Variants in LRRTM3 observed in about 807,000 individuals in gnomAD.
The protein encoded by LRRTM3 is leucine rich repeat transmembrane neuronal 3, also known as leucine-rich repeat transmembrane neuronal protein 3.
In LRRTM3, 24 loss-of-function variants were observed where a neutral mutation model predicts 44.7. That is an observed-to-expected ratio of 0.54 (90% CI 0.39 to 0.76). LRRTM3 has a LOEUF of 0.76. Among genes scored for constraint, LRRTM3 ranks in the 30% least tolerant of loss-of-function variants. The probability of loss-of-function intolerance (pLI) is 0.00; values close to 1 mark genes in which losing one functional copy is unlikely to be tolerated. For missense variants in LRRTM3, 587 were observed against 702.2 expected (o/e 0.84, Z 1.85); for synonymous variants, 277 against 278.7 (o/e 0.99, Z 0.06).
chr10:67,023,755 T>C (rs778172970), intron 2 of LRRTM3, among the ~76,000 whole-genome samples: 50 of 152,216 alleles, frequency 3.3e-4, no homozygotes, highest in Non-Finnish European at 8.8e-5. Flanking sequence ...TATAAATTGC[T>C]GAAACATGAA....
At chr10:67,068,662 G>A (rs969693180) in intron 2 of LRRTM3, among the ~76,000 whole-genome samples, 3 of 152,132 alleles carry the variant, frequency 2.0e-5, no homozygotes, top group Admixed American at 1.3e-4. Flanking sequence ...AGGGGAGAGA[G>A]TTTTAATAAA....
rs77767288 is a variant in LRRTM3 at position 66,934,020 on chromosome 10, G to A, written c.1536+5568G>A. ...TAACTTCATAGGGTCATGAATGGAC[G>A]CTCTTGAGTTAGGGATCCTGAACAC... On this transcript the variant is annotated intron_variant, in intron 2 of 2. Transcript: ENST00000361320. Among the ~76,000 whole-genome samples, 279 of 152,112 alleles carry A rather than the reference G, an allele frequency of 1.8e-3. 1 individual carries two copies. The highest frequency in any genetic ancestry group is 2.1e-3 in the Non-Finnish European group (141 of 67,976).
chr10:66,943,615 A>G (rs1156498287), intron 2 of LRRTM3, among the ~76,000 whole-genome samples: 2 of 152,078 alleles, frequency 1.3e-5, no homozygotes, highest in Non-Finnish European at 2.9e-5. Context: ...AAAAATATAA[A>G]GATGTTATGT....
At chr10:66,976,846 G>A (rs146945384) in intron 2 of LRRTM3, among the ~76,000 whole-genome samples, 3 of 152,154 alleles carry the variant, frequency 2.0e-5, no homozygotes, top group East Asian at 1.9e-4. Context: ...AGATACCCAC[G>A]TTTTTGTTTT....
chr10:66,932,072 G>A (rs543256466), intron 2 of LRRTM3, among the ~76,000 whole-genome samples: 8 of 152,160 alleles, frequency 5.3e-5, no homozygotes, highest in Admixed American at 2.6e-4. Flanking sequence ...TGCTGATTGT[G>A]CCAGTGACCT....
At chr10:67,008,331 G>A (rs978610066) in intron 2 of LRRTM3, among the ~76,000 whole-genome samples, 2 of 151,986 alleles carry the variant, frequency 1.3e-5, no homozygotes, top group African/African-American at 4.8e-5. Context: ...AGTGCTCATG[G>A]TTTTTAATTT....
chr10:66,958,971 A>G (rs1848979138), intron 2 of LRRTM3, among the ~76,000 whole-genome samples: 1 of 152,124 alleles, frequency 6.6e-6, no homozygotes, highest in Non-Finnish European at 1.5e-5. Context: ...ATAGGGAGAG[A>G]GAGTGTAAAT....
chr10:66,953,863 T>C (rs941426284), intron 2 of LRRTM3, among the ~76,000 whole-genome samples: 1 of 152,148 alleles, frequency 6.6e-6, no homozygotes, highest in African/African-American at 2.4e-5. Context: ...CCAGAAGAGC[T>C]ATGTGACCTT....
intron 2 of LRRTM3, among the ~76,000 whole-genome samples, chr10:67,083,555 T>C (rs892896150): frequency 6.6e-6 from 1 of 152,206 alleles, no homozygotes; most frequent in Non-Finnish European, 1.5e-5. Context: ...TTTTATTTTT[T>C]AGAATTTGTA....
intron 2 of LRRTM3, among the ~76,000 whole-genome samples, chr10:66,972,876 A>G (rs1021835343): frequency 6.6e-6 from 1 of 152,004 alleles, no homozygotes; most frequent in Non-Finnish European, 1.5e-5. Flanking sequence ...ACGCCTGGCT[A>G]ATTGTCTGTA....
intron 2 of LRRTM3, among the ~76,000 whole-genome samples, chr10:66,985,234 A>G (rs1850664419): frequency 6.6e-6 from 1 of 152,210 alleles, no homozygotes; most frequent in Non-Finnish European, 1.5e-5. Flanking sequence ...TAAAGGGGTG[A>G]TTTATAGTAA....
intron 2 of LRRTM3, among the ~76,000 whole-genome samples, chr10:67,068,312 C>T (rs1856218423): frequency 6.6e-6 from 1 of 152,010 alleles, no homozygotes; most frequent in African/African-American, 2.4e-5. Flanking sequence ...GATGGTGACA[C>T]TATTTTCAGG....
In LRRTM3 at chr10:67,005,682, C is replaced by CTTTTTTTTTTTTTTTTTTTTTTTTTT. The variant is rs11369576; in HGVS notation, c.1536+77251_1536+77252insTTTTTTTTTTTTTTTTTTTTTTTTTT. On this transcript the variant is annotated intron_variant, in intron 2 of 2. Transcript: ENST00000361320. ...AATGCTTTTGTTTATTTTACTCCAT[C>CTTTTTTTTTTTTTTTTTTTTTTTTTT]TTTTTTTTTTTTTTTTTTTTTGAGA... 1.3e-4 allele frequency among the ~76,000 whole-genome samples: 8 copies of CTTTTTTTTTTTTTTTTTTTTTTTTTT among 61,984 alleles called. 2 individuals are homozygous for CTTTTTTTTTTTTTTTTTTTTTTTTTT. In the East Asian group the frequency reaches 2.1e-3, roughly 16 times the overall value. 40.7% of individuals were successfully genotyped at this position (61,984 alleles called of 152,430 possible).
chr10:67,023,166 A>G (rs1228026101), intron 2 of LRRTM3, among the ~76,000 whole-genome samples: 1 of 152,192 alleles, frequency 6.6e-6, no homozygotes, highest in African/African-American at 2.4e-5. Context: ...GTGGAAATAC[A>G]AAGAACCAGA....
intron 2 of LRRTM3, among the ~76,000 whole-genome samples, chr10:67,058,592 T>C (rs1855574550): frequency 6.6e-6 from 1 of 152,170 alleles, no homozygotes; most frequent in Non-Finnish European, 1.5e-5. Flanking sequence ...ACATCCTCCA[T>C]TGCCCTGCAA....
At position 67,005,694 on chromosome 10, in the gene LRRTM3, T is replaced by TG. The variant is rs1296081719; in HGVS notation, c.1536+77242_1536+77243insG. Among the ~76,000 whole-genome samples, 5 of 125,818 alleles carry TG rather than the reference T, an allele frequency of 4.0e-5. 1 individual carries two copies. The highest frequency in any genetic ancestry group is 1.4e-4 in the African/African-American group (5 of 36,462). The allele number at this position is 125,818 out of a possible 152,430, so 82.5% of individuals were successfully genotyped here. A position where few individuals can be genotyped will look rare whatever the true frequency, so the allele number is the denominator to read the frequency against. ...TATTTTACTCCATCTTTTTTTTTTT[T>TG]TTTTTTTTTGAGACGGAGTCTTGAG... On this transcript the variant is annotated intron_variant, in intron 2 of 2. Transcript: ENST00000361320.
At chr10:66,949,210 A>G (rs937673989) in intron 2 of LRRTM3, among the ~76,000 whole-genome samples, 5 of 152,222 alleles carry the variant, frequency 3.3e-5, no homozygotes, top group Non-Finnish European at 7.3e-5. Context: ...TAATAAATTT[A>G]CTGAGAAACT....
intron 2 of LRRTM3, among the ~76,000 whole-genome samples, chr10:66,945,199 T>G (rs1848215393): frequency 6.6e-6 from 1 of 152,218 alleles, no homozygotes; most frequent in Non-Finnish European, 1.5e-5. Flanking sequence ...AGAAGATTAT[T>G]TAGTGTAAGT....
At chr10:67,062,725 C>T (rs1855830354) in intron 2 of LRRTM3, among the ~76,000 whole-genome samples, 1 of 152,202 alleles carries the variant, frequency 6.6e-6, no homozygotes, top group African/African-American at 2.4e-5. Context: ...GGAAGCTACA[C>T]TCCCAGAATT....
Sources: allele counts gnomAD v4.1 joint callset (sites outside exome capture counted in the v4.1 genomes callset), GRCh38; gene constraint gnomAD v4.1.1; transcripts MANE v1.5; gene names NCBI Gene and HGNC (gene_info 2026-07-23, HGNC 2026-07-21).